The following MKLN1 variants were observed in gnomAD, a reference collection of about 807,000 sequenced individuals.
MKLN1 encodes the protein muskelin.
A neutral mutation model predicts 99.0 loss-of-function variants in MKLN1; 18 were observed. The observed-to-expected ratio is 0.18, with a 90% CI of 0.13 to 0.27. MKLN1 has a LOEUF of 0.27. Ranked by LOEUF, MKLN1 falls within the 10% of genes least tolerant of loss-of-function variation. The pLI, the probability that MKLN1 is intolerant of heterozygous loss-of-function variation, is 1.00. For missense variants in MKLN1, 621 were observed against 875.9 expected, an observed-to-expected ratio of 0.71 and a Z score of 3.67; for synonymous variants, 288 against 293.2, an observed-to-expected ratio of 0.98 and a Z score of 0.18.
intron 3 of MKLN1, among the ~76,000 whole-genome samples, chr7:131,313,076 CAG>C (rs1798598239): frequency 6.6e-6 from 1 of 152,200 alleles, no homozygotes; most frequent in Non-Finnish European, 1.5e-5. Context: ...AGACATTTAG[CAG>C]AGACAGTATA....
intron 6 of MKLN1, among the ~76,000 whole-genome samples, chr7:131,403,405 C>T (rs186562063): frequency 4.9e-4 from 74 of 152,198 alleles, no homozygotes; most frequent in African/African-American, 1.5e-3. Context: ...CTATCCAGAC[C>T]GCTCTAACTT....
At chr7:131,401,775 A>G (rs1003951720) in intron 6 of MKLN1, among the ~76,000 whole-genome samples, 2 of 152,144 alleles carry the variant, frequency 1.3e-5, no homozygotes, top group African/African-American at 4.8e-5. Context: ...TTATCTTTCC[A>G]CTTTACTGTA....
At chr7:131,346,508 G>A (rs535981011) in intron 1 of MKLN1, among the ~76,000 whole-genome samples, 2 of 140,556 alleles carry the variant, frequency 1.4e-5, no homozygotes, top group African/African-American at 2.7e-5. Context: ...GTGACAGAGC[G>A]AGACTCAGTC....
intron 3 of MKLN1, among the ~76,000 whole-genome samples, chr7:131,312,792 T>A (rs779541055): frequency 1.3e-5 from 2 of 152,210 alleles, no homozygotes; most frequent in Non-Finnish European, 2.9e-5. Flanking sequence ...AACCCTAATT[T>A]TCAGTGAAAA....
chr7:131,355,190 G>T (rs1356393007), intron 1 of MKLN1, among the ~76,000 whole-genome samples: 2 of 152,074 alleles, frequency 1.3e-5, no homozygotes, highest in Non-Finnish European at 2.9e-5. Flanking sequence ...ATCTGACAGG[G>T]TCTAGTCTTC....
intron 2 of MKLN1, among the ~76,000 whole-genome samples, chr7:131,187,411 G>T (rs183222487): frequency 6.6e-6 from 1 of 151,530 alleles, no homozygotes; most frequent in African/African-American, 2.4e-5. Flanking sequence ...GCATAGTAAC[G>T]TATTGCTCTA....
chr7:131,487,630 T>C lies in MKLN1; in HGVS notation c.2110T>C (p.Tyr704His). The C allele has an allele frequency of 6.2e-7, 1 of 1,612,832 alleles. No homozygotes were observed. Among genetic ancestry groups the C allele is most frequent in the Non-Finnish European group, 8.5e-7 (1 of 1,179,266 alleles). ...AGGCTTTTCTGATGTGGATCACACCTATGCTCAAAGAACTCAGCTCTTTGA... is the reference window on the plus strand; with the variant it reads ...AGGCTTTTCTGATGTGGATCACACCCATGCTCAAAGAACTCAGCTCTTTGA... ...ALGFSDVDHT[Y>H]AQRTQLFDTL... Residue 704 changes from tyrosine to histidine, a missense_variant, in exon 18 of 18, where the codon TAT (tyrosine) becomes CAT (histidine). Physicochemically the swap from Tyr to His is moderately conservative, Grantham distance 83. Coordinates refer to ENST00000352689, the MANE Select transcript of MKLN1 (RefSeq NM_013255.5). The surrounding 1 kb of genome is among the most constrained non-coding windows in gnomAD (Gnocchi z 4.7).
chr7:131,433,915 C>G (rs981757311), intron 9 of MKLN1, among the ~76,000 whole-genome samples: 1 of 138,632 alleles, frequency 7.2e-6, no homozygotes, highest in Non-Finnish European at 1.5e-5. Flanking sequence ...CAGAGTTTTG[C>G]TCTTGTTGCC....
chr7:131,114,883 C>T (rs1795251212), intron 1 of MKLN1, among the ~76,000 whole-genome samples: 1 of 151,194 alleles, frequency 6.6e-6, no homozygotes, highest in Non-Finnish European at 1.5e-5. Context: ...TTGTGATGAG[C>T]TGAAATTGCA....
At chr7:131,118,267 C>T (rs1171101701) in intron 1 of MKLN1, among the ~76,000 whole-genome samples, 1 of 152,116 alleles carries the variant, frequency 6.6e-6, no homozygotes, top group South Asian at 2.1e-4. Context: ...AAAGACATAC[C>T]TGAGGGCTGG....
rs1241282476 is a variant in MKLN1, at chr7:131,213,146, C to CAT, written c.-179+10180_-179+10181dup. Reference sequence around the variant, plus strand: ...GCAACTTTTATACTTTTATATTATACATATATATACATAAACAATACAAAG... The same window carrying CAT: ...GCAACTTTTATACTTTTATATTATACATATATATATACATAAACAATACAAAG... On this transcript the variant is annotated intron_variant, in intron 3 of 7. Coordinates refer to the MKLN1 transcript ENST00000416992. Among the ~76,000 whole-genome samples, 48 of 151,998 alleles carry CAT rather than the reference C, an allele frequency of 3.2e-4. No individual in the cohort carries two copies. The Middle Eastern group carries it at 0.01, about 33-fold the overall frequency.
chr7:131,322,557 CTTTTTTTTTT>C (rs574246814), intron 3 of MKLN1, among the ~76,000 whole-genome samples: 1 of 95,096 alleles, frequency 1.1e-5, no homozygotes, highest in Non-Finnish European at 2.1e-5. Context: ...CTGCCAAACA[CTTTTTTTTTT>C]TTTTTTTTTT....
intron 1 of MKLN1, among the ~76,000 whole-genome samples, chr7:131,334,660 A>G (rs1799198231): frequency 6.6e-6 from 1 of 152,206 alleles, no homozygotes; most frequent in African/African-American, 2.4e-5. Flanking sequence ...ATAGATTTTT[A>G]ATAAATGATT....
intron 7 of MKLN1, among the ~76,000 whole-genome samples, chr7:131,412,703 C>A (rs1488620309): frequency 1.3e-5 from 2 of 152,162 alleles, no homozygotes; most frequent in Non-Finnish European, 2.9e-5. Flanking sequence ...GTACTCACTG[C>A]TTTGCCAGAT....
At chr7:131,348,344 T>C (rs1333268806) in intron 1 of MKLN1, among the ~76,000 whole-genome samples, 1 of 152,162 alleles carries the variant, frequency 6.6e-6, no homozygotes, top group African/African-American at 2.4e-5. Flanking sequence ...ACTACAGCCA[T>C]TAATCAAGGA....
At chr7:131,476,115 A>C (rs191049779) in intron 16 of MKLN1, among the ~76,000 whole-genome samples, 1 of 152,312 alleles carries the variant, frequency 6.6e-6, no homozygotes, top group African/African-American at 2.4e-5. Flanking sequence ...TTCATAATAA[A>C]AATTCTTAGC....
chr7:131,243,267 T>G (rs1173922326), intron 3 of MKLN1, among the ~76,000 whole-genome samples: 2 of 152,186 alleles, frequency 1.3e-5, no homozygotes, highest in African/African-American at 2.4e-5. Flanking sequence ...TCTACACCTA[T>G]GTCTAGCCAT....
At chr7:131,484,904 A>G (rs1797231599) in intron 17 of MKLN1, among the ~76,000 whole-genome samples, 1 of 152,104 alleles carries the variant, frequency 6.6e-6, no homozygotes, top group South Asian at 2.1e-4. Flanking sequence ...GAATGGAATA[A>G]GAGAAGGAAG....
At chr7:131,241,727 T>G (rs1797407009) in intron 3 of MKLN1, among the ~76,000 whole-genome samples, 1 of 152,234 alleles carries the variant, frequency 6.6e-6, no homozygotes, top group Non-Finnish European at 1.5e-5. Flanking sequence ...TGAACACAAT[T>G]TTAGCTTTCA....
Sources: allele counts gnomAD v4.1 joint callset (sites outside exome capture counted in the v4.1 genomes callset), GRCh38; gene constraint gnomAD v4.1.1; non-coding constraint Gnocchi (gnomAD v3.1); transcripts MANE v1.5; gene names NCBI Gene and HGNC (gene_info 2026-07-23, HGNC 2026-07-21).